USP24: variants seen among roughly 807,000 people sequenced by gnomAD.
The protein encoded by USP24 is ubiquitin specific peptidase 24.
USP24 carries 97 observed loss-of-function variants against 361.6 expected under a neutral mutation model. The observed-to-expected ratio is 0.27, with a 90% CI of 0.23 to 0.32. The LOEUF (loss-of-function observed/expected upper bound fraction) is 0.32. Among genes scored for constraint, USP24 ranks in the 10% least tolerant of loss-of-function variants. The probability of loss-of-function intolerance (pLI) is 1.00; values close to 1 mark genes in which losing one functional copy is unlikely to be tolerated. For missense variants in USP24, 2,353 were observed against 3,165.6 expected, an observed-to-expected ratio of 0.74 and a Z score of 6.16; for synonymous variants, 1,098 against 1,124.6, an observed-to-expected ratio of 0.98 and a Z score of 0.47.
intron 1 of USP24, among the ~76,000 whole-genome samples, chr1:55,190,477 T>TA (rs1442576841): frequency 6.6e-6 from 1 of 152,174 alleles, no homozygotes; most frequent in Non-Finnish European, 1.5e-5. Flanking sequence ...AGAGAACACA[T>TA]ACAAAGCAGC....
At chr1:55,213,761 AAG>A (rs763878124) in intron 1 of USP24, among the ~76,000 whole-genome samples, 3 of 152,084 alleles carry the variant, frequency 2.0e-5, no homozygotes, top group Non-Finnish European at 4.4e-5. Flanking sequence ...TTTATTATAG[AAG>A]AGTCCGTTTT....
chr1:55,215,241 T>A lies in USP24; in HGVS notation c.-128A>T. 2 of 716,884 alleles carry A rather than the reference T, an allele frequency of 2.8e-6. No individual in the cohort carries two copies. The highest frequency in any genetic ancestry group is 1.4e-4 in the South Asian group (2 of 14,140). 44.4% of individuals were successfully genotyped at this position (716,884 alleles called of 1,614,324 possible). A position where few individuals can be genotyped will look rare whatever the true frequency, so the allele number is the denominator to read the frequency against. ...TTGGCCCCTGCGTTCCTGCCCCGGG[T>A]GCTCCGCAGCAGCCGGGCCAGGCTG... On this transcript the variant is annotated 5_prime_UTR_variant, in exon 1 of 68. Transcript: ENST00000294383.
intron 31 of USP24, among the ~76,000 whole-genome samples, chr1:55,131,441 G>C (rs1245819012): frequency 6.6e-6 from 1 of 152,102 alleles, no homozygotes; most frequent in Non-Finnish European, 1.5e-5. Context: ...AACCTCAAAC[G>C]TGGTTTCCAT....
intron 28 of USP24, 70 bp downstream of exon 28, chr1:55,137,445 G>A (rs935668786): frequency 1.3e-6 from 2 of 1,500,422 alleles, no homozygotes; most frequent in Admixed American, 2.1e-5. Flanking sequence ...TATACAGTTT[G>A]GAAGAGTCAG....
chr1:55,094,220 G>A, intron 51 of USP24, 133 bp from the exon 52 acceptor site: 2 of 840,348 alleles, frequency 2.4e-6, no homozygotes, highest in East Asian at 2.7e-5. Flanking sequence ...ACATAAAACT[G>A]TACCACATAA....
chr1:55,124,641 A>G lies in USP24; in HGVS notation c.3961-13T>C, dbSNP rs775031174. 6.2e-7 allele frequency: 1 copy of G among 1,613,498 alleles called. No homozygotes were observed. The highest frequency in any genetic ancestry group is 1.7e-5 in the Admixed American group (1 of 59,990). ...TTACTTCCATTGTCTAAAGAATGGA[A>G]CAAGTATTATGAGAAAGAGCAATAC... On this transcript the variant is annotated splice_polypyrimidine_tract_variant and intron_variant, in intron 34 of 67. Transcript: ENST00000294383.
chr1:55,152,549 A>T (rs1266445060), intron 16 of USP24, among the ~76,000 whole-genome samples: 3 of 152,156 alleles, frequency 2.0e-5, no homozygotes, highest in African/African-American at 7.2e-5. Context: ...TTTTCCTCTT[A>T]CTATTGAAGG....
intron 38 of USP24, among the ~76,000 whole-genome samples, chr1:55,114,667 T>C (rs1451917695): frequency 6.6e-6 from 1 of 152,140 alleles, no homozygotes; most frequent in Non-Finnish European, 1.5e-5. Context: ...TTAATAAATG[T>C]TTTTGGGAAA....
Position 55,098,564 on chromosome 1 carries a change from G to T in USP24, c.5371-6C>A. The T allele has an allele frequency of 6.2e-7, 1 of 1,602,290 alleles. No homozygotes were observed. The highest frequency in any genetic ancestry group is 8.5e-7 in the Non-Finnish European group (1 of 1,171,290). ...ATTTGGTCTCTCCCCATTTTCTGTT[G>T]GAATGAAAAGTTACAGTTTTAAGTG... On this transcript the variant is annotated splice_polypyrimidine_tract_variant and splice_region_variant and intron_variant, in intron 45 of 67. Transcript: ENST00000294383.
intron 1 of USP24, among the ~76,000 whole-genome samples, chr1:55,192,687 G>A (rs1388457622): frequency 6.6e-6 from 1 of 152,178 alleles, no homozygotes; most frequent in Admixed American, 6.5e-5. Flanking sequence ...AAAGCAATTT[G>A]GAGATGGTTA....
chr1:55,174,304 A>G (rs991142287), intron 3 of USP24, among the ~76,000 whole-genome samples: 4 of 152,232 alleles, frequency 2.6e-5, no homozygotes, highest in Non-Finnish European at 4.4e-5. Flanking sequence ...AGTACCAATT[A>G]TATCAAATCC....
At chr1:55,152,052 C>A in intron 16 of USP24, 1 of 946,466 alleles carries the variant, frequency 1.1e-6, no homozygotes, top group Non-Finnish European at 1.3e-6. Flanking sequence ...GGAGCCATAT[C>A]CAGGGGGCTT....
At chr1:55,076,508 T>C (rs1645034225) in intron 62 of USP24, among the ~76,000 whole-genome samples, 1 of 152,220 alleles carries the variant, frequency 6.6e-6, no homozygotes, top group Non-Finnish European at 1.5e-5. Flanking sequence ...GCCCTCACTC[T>C]CTAAGGAACC....
Position 55,071,436 on chromosome 1 carries a change from A to C in USP24, c.7800+378T>G, listed in dbSNP as rs967237802. The stretch of plus-strand genomic sequence containing the variant: ...TCAAGAGCACGGGAGCTTTTCTTTC[A>C]AGAGTCCACATTTCCAGGAAGGCTG... On this transcript the variant is annotated intron_variant, in intron 67 of 67. Coordinates refer to ENST00000294383, the MANE Select transcript of USP24 (RefSeq NM_015306.3). The C allele has an allele frequency of 6.9e-6, 7 of 1,012,942 alleles. No individual in the cohort carries two copies. In the African/African-American group the frequency reaches 1.2e-4, roughly 17 times the overall value. 62.7% of individuals were successfully genotyped at this position (1,012,942 alleles called of 1,614,324 possible).
At chr1:55,145,134 T>A (rs930694552) in intron 20 of USP24, among the ~76,000 whole-genome samples, 1 of 152,166 alleles carries the variant, frequency 6.6e-6, no homozygotes, top group African/African-American at 2.4e-5. Context: ...TAATTATATG[T>A]CAGAACAATC....
intron 12 of USP24, 47 bp from the exon 13 acceptor site, chr1:55,154,825 C>T (rs1333038939): frequency 1.2e-5 from 17 of 1,453,886 alleles, no homozygotes; most frequent in Non-Finnish European, 1.4e-5. Context: ...GAACTCGGAA[C>T]AACCTAAGTC....
At chr1:55,209,681 T>TA (rs1358554462) in intron 1 of USP24, among the ~76,000 whole-genome samples, 1 of 152,216 alleles carries the variant, frequency 6.6e-6, no homozygotes, top group East Asian at 1.9e-4. Flanking sequence ...TTAGTGCACT[T>TA]AGAGCGCTTA....
At chr1:55,140,348 T>C (rs1368797921) in intron 24 of USP24, among the ~76,000 whole-genome samples, 8 of 152,296 alleles carry the variant, frequency 5.3e-5, no homozygotes, top group African/African-American at 1.9e-4. Flanking sequence ...GTCATAGAGA[T>C]GGCTACATAT....
intron 55 of USP24, among the ~76,000 whole-genome samples, chr1:55,088,521 T>C (rs1645301718): frequency 6.6e-6 from 1 of 152,184 alleles, no homozygotes; most frequent in Non-Finnish European, 1.5e-5. Context: ...GAGAGGATAC[T>C]TCCTCTACAA....
Sources: allele counts gnomAD v4.1 joint callset (sites outside exome capture counted in the v4.1 genomes callset), GRCh38; gene constraint gnomAD v4.1.1; transcripts MANE v1.5; gene names NCBI Gene and HGNC (gene_info 2026-07-23, HGNC 2026-07-21).